Variants in PHIP observed in about 807,000 individuals in gnomAD.
The protein encoded by PHIP is PHIP subunit of CUL4-Ring ligase complex.
A neutral mutation model predicts 236.8 loss-of-function variants in PHIP; 54 were observed. The ratio of observed to expected loss-of-function variants is 0.23; its 90% CI spans 0.18 to 0.29. The LOEUF is 0.29. Ranked by LOEUF, PHIP falls within the 10% of genes least tolerant of loss-of-function variation. PHIP has a pLI of 1.00. For missense variants in PHIP, 1,370 were observed against 2,190.8 expected, an observed-to-expected ratio of 0.63 and a Z score of 7.48; for synonymous variants, 756 against 718.9, an observed-to-expected ratio of 1.05 and a Z score of -0.83.
intron 29 of PHIP, among the ~76,000 whole-genome samples, chr6:78,964,148 A>G (rs67799776): frequency 0.11 from 16,149 of 152,228 alleles, 887 homozygotes; most frequent in Middle Eastern, 0.19. Context: ...AAACAAAAAC[A>G]TAAGCCATGT....
At chr6:79,052,383 A>G (rs1772837403) in intron 6 of PHIP, among the ~76,000 whole-genome samples, 1 of 152,184 alleles carries the variant, frequency 6.6e-6, no homozygotes, top group Non-Finnish European at 1.5e-5. Flanking sequence ...CACAGAGTAG[A>G]GAAAGGGCAA....
At position 78,939,567 on chromosome 6, in the gene PHIP, A is replaced by G. The variant is rs1452092441; in HGVS notation, c.*1126T>C. 6.6e-6 allele frequency: 1 copy of G among 151,958 alleles called. No homozygotes were observed. Among genetic ancestry groups the G allele is most frequent in the Non-Finnish European group, 1.5e-5 (1 of 67,814 alleles). 9.4% of individuals were successfully genotyped at this position (151,958 alleles called of 1,614,324 possible). A position where few individuals can be genotyped will look rare whatever the true frequency, so the allele number is the denominator to read the frequency against. ...CTGAAAAAAGAATTTATACCTGGGT[A>G]ATAGTATATAAGTATGTGTTTGTAT... On this transcript the variant is annotated 3_prime_UTR_variant, in exon 40 of 40. Coordinates refer to ENST00000275034, the MANE Select transcript of PHIP (RefSeq NM_017934.7).
At position 79,078,088 on chromosome 6, in the gene PHIP, G is replaced by A. The variant is rs1234131424; in HGVS notation, c.-20C>T. ...AGACATGTTTATGGGTCACTTCAGG[G>A]CCGCCGACGGGACACCCCGCCGCCG... is the stretch of plus-strand genomic sequence containing the variant. On this transcript the variant is annotated 5_prime_UTR_variant, in exon 1 of 40. Coordinates refer to ENST00000275034, the MANE Select transcript of PHIP (RefSeq NM_017934.7). 6.8e-6 allele frequency: 11 copies of A among 1,606,302 alleles called. No homozygotes were observed. The highest frequency in any genetic ancestry group is 9.3e-6 in the Non-Finnish European group (11 of 1,178,058).
intron 24 of PHIP, among the ~76,000 whole-genome samples, chr6:78,973,270 C>A (rs1767751377): frequency 6.6e-6 from 1 of 151,318 alleles, no homozygotes; most frequent in Non-Finnish European, 1.5e-5. Flanking sequence ...TCATATCCAG[C>A]CAAAGTAAGC....
At position 78,934,774 on chromosome 6, in the gene PHIP, G is replaced by T. The variant is rs190129516; in HGVS notation, c.*5919C>A. On this transcript the variant is annotated 3_prime_UTR_variant, in exon 40 of 40. Transcript: ENST00000275034. ...ACAGATGAGGAAAATGAAGCTCTGA[G>T]ATACGACTTTGCTGGGGTTCCTCTA... Among the ~76,000 whole-genome samples, 1 of 152,306 alleles carries T rather than the reference G, an allele frequency of 6.6e-6. No homozygotes were observed. Among genetic ancestry groups the T allele is most frequent in the African/African-American group, 2.4e-5 (1 of 41,564 alleles).
intron 6 of PHIP, among the ~76,000 whole-genome samples, chr6:79,046,155 C>T (rs951236924): frequency 3.3e-5 from 5 of 152,156 alleles, no homozygotes; most frequent in African/African-American, 1.2e-4. Flanking sequence ...CCTGCTCCAG[C>T]CACTCCAATC....
chr6:78,951,663 T>C (rs1463089671), intron 35 of PHIP, among the ~76,000 whole-genome samples: 1 of 152,234 alleles, frequency 6.6e-6, no homozygotes, highest in Non-Finnish European at 1.5e-5. Context: ...CACGTTTAGC[T>C]GGTGGGACAG....
intron 6 of PHIP, among the ~76,000 whole-genome samples, chr6:79,052,124 G>A (rs544712868): frequency 6.6e-6 from 1 of 152,250 alleles, no homozygotes; most frequent in South Asian, 2.1e-4. Context: ...CAAATAGAAG[G>A]TATAGGGAAA....
chr6:78,948,466 CTATTT>C (rs1773951813), intron 35 of PHIP, among the ~76,000 whole-genome samples: 1 of 152,004 alleles, frequency 6.6e-6, no homozygotes, highest in Admixed American at 6.6e-5. Context: ...TCAGAATATG[CTATTT>C]TTTTTTAGCA....
intron 7 of PHIP, among the ~76,000 whole-genome samples, chr6:79,026,383 T>A (rs531781392): frequency 1.3e-5 from 2 of 152,016 alleles, no homozygotes; most frequent in African/African-American, 4.8e-5. Flanking sequence ...TGGGATAAGA[T>A]AATTAATATT....
At chr6:78,946,660 T>C in intron 37 of PHIP, 51 bp downstream of exon 37, 1 of 1,480,928 alleles carries the variant, frequency 6.8e-7, no homozygotes, top group Non-Finnish European at 8.9e-7. Flanking sequence ...AGTTCTATCA[T>C]TTAGATGAAA....
chr6:79,060,560 C>G lies in PHIP; in HGVS notation c.357G>C (p.Val119=). ...LRTNKSCKHV[V]WKGSALAALH... ...ACGCAGCCAGAGCAGATCCTTTCCA[C>G]ACAACATGCTTGCAGCCTATTAAAC... Residue 119 remains valine, a synonymous_variant, in exon 6 of 40, where the codon GTG becomes GTC. Coordinates refer to ENST00000275034, the MANE Select transcript of PHIP (RefSeq NM_017934.7). The G allele has an allele frequency of 6.2e-7, 1 of 1,613,732 alleles. No homozygotes were observed.
intron 38 of PHIP, 103 bp downstream of exon 38, chr6:78,945,898 G>T: frequency 1.3e-6 from 1 of 797,898 alleles, no homozygotes; most frequent in Non-Finnish European, 2.0e-6. Context: ...AAACAACAGT[G>T]TCTGCTAGGA....
At position 79,077,850 on chromosome 6, in the gene PHIP, C is replaced by A. The variant is rs751032980; in HGVS notation, c.99+5G>T. On this transcript the variant is annotated splice_donor_5th_base_variant and intron_variant, in intron 2 of 39. Coordinates refer to ENST00000275034, the MANE Select transcript of PHIP (RefSeq NM_017934.7). ...CGGCCCGGCCCGCGCCGCGCGCCGC[C>A]GTACCTGAGCCGCCTGCTGACAGGG... 1.3e-6 allele frequency: 2 copies of A among 1,499,204 alleles called. No individual in the cohort carries two copies. Among genetic ancestry groups the A allele is most frequent in the Non-Finnish European group, 8.9e-7 (1 of 1,123,884 alleles). 92.9% of individuals were successfully genotyped at this position (1,499,204 alleles called of 1,614,324 possible).
chr6:78,952,430 A>G (rs1206025381), intron 35 of PHIP, among the ~76,000 whole-genome samples: 8 of 135,212 alleles, frequency 5.9e-5, no homozygotes, highest in Non-Finnish European at 1.1e-4. Context: ...AAAAAAAAGA[A>G]AAAAAAAAAA....
intron 27 of PHIP, among the ~76,000 whole-genome samples, chr6:78,968,798 ATC>A: frequency 6.6e-6 from 1 of 152,266 alleles, no homozygotes; most frequent in East Asian, 1.9e-4. Flanking sequence ...TCTTCCCACA[ATC>A]TCTAACAGCT....
chr6:78,974,546 T>C (rs945782039), intron 24 of PHIP, among the ~76,000 whole-genome samples: 4 of 151,286 alleles, frequency 2.6e-5, no homozygotes, highest in African/African-American at 4.9e-5. Context: ...CTGAAGGAAA[T>C]AGAGACACAA....
chr6:78,963,377 T>C, intron 29 of PHIP, 125 bp from the exon 30 acceptor site: 1 of 640,432 alleles, frequency 1.6e-6, no homozygotes, highest in Non-Finnish European at 2.5e-6. Context: ...AAATATACTC[T>C]TTATTTTAAC....
intron 33 of PHIP, 25 bp from the exon 34 acceptor site, chr6:78,955,307 T>G: frequency 6.4e-7 from 1 of 1,554,078 alleles, no homozygotes; most frequent in South Asian, 1.1e-5. Context: ...TTTACCAGAT[T>G]CATAAAACAT....
Sources: gnomAD v4.1 joint callset for allele counts (sites outside exome capture counted in the v4.1 genomes callset) on GRCh38, gnomAD v4.1.1 for gene constraint, MANE v1.5 for transcripts, NCBI Gene and HGNC (gene_info 2026-07-23, HGNC 2026-07-21) for gene names.